CHODL: variants seen among roughly 807,000 people sequenced by gnomAD.
The protein encoded by CHODL is transmembrane protein MT75.
A neutral mutation model predicts 34.5 loss-of-function variants in CHODL; 29 were observed. The observed-to-expected ratio is 0.84, with a 90% CI of 0.63 to 1.15. The LOEUF is 1.15. CHODL is among the 50% of genes most tolerant of loss of function. The pLI, the probability that CHODL is intolerant of heterozygous loss-of-function variation, is 0.00. For missense variants in CHODL, 332 were observed against 332.5 expected (o/e 1.00, Z 0.01); for synonymous variants, 125 against 116.1 (o/e 1.08, Z -0.49).
At chr21:18,107,305 C>T (rs1364230485) in intron 2 of CHODL, among the ~76,000 whole-genome samples, 2 of 152,184 alleles carry the variant, frequency 1.3e-5, no homozygotes, top group African/African-American at 4.8e-5. Context: ...CACCTAGTTC[C>T]TGGTACACAG....
chr21:18,147,820 G>C (rs1436638158), intron 2 of CHODL, among the ~76,000 whole-genome samples: 1 of 152,198 alleles, frequency 6.6e-6, no homozygotes, highest in East Asian at 1.9e-4. Flanking sequence ...ATCCAGTTTT[G>C]CTCAGCTAGT....
At chr21:17,972,644 G>T (rs1185677094) in intron 1 of CHODL, among the ~76,000 whole-genome samples, 1 of 152,106 alleles carries the variant, frequency 6.6e-6, no homozygotes, top group Non-Finnish European at 1.5e-5. Flanking sequence ...AATAACAGAG[G>T]TCACAAACAA....
At chr21:18,084,117 A>G (rs2064974775) in intron 2 of CHODL, among the ~76,000 whole-genome samples, 1 of 152,154 alleles carries the variant, frequency 6.6e-6, no homozygotes, top group African/African-American at 2.4e-5. Flanking sequence ...TGTGATAATG[A>G]GTGAGTTGTC....
In CHODL at chr21:18,154,544, T is replaced by A. The variant is rs563235365; in HGVS notation, c.-44-101965T>A. On this transcript the variant is annotated intron_variant, in intron 2 of 6. Coordinates refer to the CHODL transcript ENST00000400127. ...TTAGTTTAATTCAAAAGCCCCCAGA[T>A]ACAGAATTCAGAGGATAGAGGAAAA... Among the ~76,000 whole-genome samples the A allele has an allele frequency of 2.0e-5, 3 of 152,266 alleles. No individual in the cohort carries two copies. In the South Asian group the frequency reaches 6.2e-4, roughly 32 times the overall value.
chr21:18,049,911 C>G (rs191460388), intron 2 of CHODL, among the ~76,000 whole-genome samples: 1 of 151,952 alleles, frequency 6.6e-6, no homozygotes, highest in Non-Finnish European at 1.5e-5. Context: ...TCCATCTGCC[C>G]GTGTTTGTTG....
chr21:18,244,670 G>A (rs189921339), upstream of CHODL, among the ~76,000 whole-genome samples: 23 of 152,240 alleles, frequency 1.5e-4, no homozygotes. Context: ...CAGAGGAGGC[G>A]GGCTGCTGAC....
At chr21:17,974,739 A>G (rs1029483909) in intron 1 of CHODL, among the ~76,000 whole-genome samples, 1 of 151,864 alleles carries the variant, frequency 6.6e-6, no homozygotes, top group African/African-American at 2.4e-5. Flanking sequence ...AAATTATTTT[A>G]GTTAAACAGT....
intron 1 of CHODL, among the ~76,000 whole-genome samples, chr21:17,989,598 A>T (rs1173468507): frequency 6.6e-6 from 1 of 152,160 alleles, no homozygotes; most frequent in South Asian, 2.1e-4. Context: ...ACAAAAATGA[A>T]GTAACACCAT....
At chr21:18,207,632 T>C (rs943829819) in intron 2 of CHODL, among the ~76,000 whole-genome samples, 1 of 149,136 alleles carries the variant, frequency 6.7e-6, no homozygotes, top group Non-Finnish European at 1.5e-5. Flanking sequence ...GTAGGACAGG[T>C]CTGGTGGTGG....
chr21:18,074,518 T>C (rs2064842447), intron 2 of CHODL, among the ~76,000 whole-genome samples: 2 of 152,138 alleles, frequency 1.3e-5, no homozygotes, highest in African/African-American at 2.4e-5. Context: ...ATAGATGATA[T>C]AGAGAGGGAT....
chr21:18,211,044 A>G (rs566785649), intron 2 of CHODL, among the ~76,000 whole-genome samples: 1 of 152,108 alleles, frequency 6.6e-6, no homozygotes, highest in African/African-American at 2.4e-5. Flanking sequence ...CCTCTGCCTC[A>G]AAGACTCCCA....
chr21:18,170,182 T>C (rs2073210249), intron 2 of CHODL, among the ~76,000 whole-genome samples: 1 of 152,056 alleles, frequency 6.6e-6, no homozygotes, highest in Non-Finnish European at 1.5e-5. Context: ...TAAAATATCT[T>C]TTTTTCTAGA....
chr21:17,955,286 G>T (rs2063487487), intron 1 of CHODL, among the ~76,000 whole-genome samples: 1 of 137,366 alleles, frequency 7.3e-6, no homozygotes, highest in South Asian at 2.8e-4. Flanking sequence ...ATTGCAGGTG[G>T]CATTAAGTGA....
At chr21:18,265,913 A>C in intron 5 of CHODL, 41 bp from the exon 6 acceptor site, 1 of 1,554,462 alleles carries the variant, frequency 6.4e-7, no homozygotes, top group Non-Finnish European at 8.8e-7. Flanking sequence ...TAGTTTAATA[A>C]GAAATTTTAG....
chr21:18,013,742 C>T (rs776150763), intron 1 of CHODL, among the ~76,000 whole-genome samples: 1 of 149,472 alleles, frequency 6.7e-6, no homozygotes. Context: ...TCAAGCAATT[C>T]TCCTCTCTCA....
At chr21:18,080,347 T>G (rs564215791) in intron 2 of CHODL, among the ~76,000 whole-genome samples, 1 of 152,274 alleles carries the variant, frequency 6.6e-6, no homozygotes, top group Admixed American at 6.5e-5. Flanking sequence ...AAGTCTCATT[T>G]GTTTATCTTC....
At chr21:17,950,817 T>C (rs2063451075) in intron 1 of CHODL, among the ~76,000 whole-genome samples, 1 of 152,080 alleles carries the variant, frequency 6.6e-6, no homozygotes, top group Non-Finnish European at 1.5e-5. Context: ...TTTTTTCACA[T>C]GTAAATTTTG....
At chr21:17,972,747 C>T (rs2063625670) in intron 1 of CHODL, among the ~76,000 whole-genome samples, 1 of 152,308 alleles carries the variant, frequency 6.6e-6, no homozygotes, top group South Asian at 2.1e-4. Flanking sequence ...AATGCCATCC[C>T]CATCAAGCTA....
At position 17,987,278 on chromosome 21, in the gene CHODL, G is replaced by A. The variant is rs80172874; in HGVS notation, c.-144-40594G>A. ...CACAGATAGAATTCTACTGACATCAGTATAATCATTTTTAGTGACATATAG... is the reference window on the plus strand; with the variant it reads ...CACAGATAGAATTCTACTGACATCAATATAATCATTTTTAGTGACATATAG... On this transcript the variant is annotated intron_variant, in intron 1 of 6. Coordinates refer to the CHODL transcript ENST00000400127. Among the ~76,000 whole-genome samples, 1,425 of 152,184 alleles carry A rather than the reference G, an allele frequency of 9.4e-3. 45 individuals carry two copies. Among genetic ancestry groups the A allele is most frequent in the East Asian group, 0.041 (210 of 5,170 alleles).
Sources: allele counts gnomAD v4.1 joint callset (sites outside exome capture counted in the v4.1 genomes callset), GRCh38; gene constraint gnomAD v4.1.1; transcripts MANE v1.5; gene names NCBI Gene and HGNC (gene_info 2026-07-23, HGNC 2026-07-21).